TLN2: variants seen among roughly 807,000 people sequenced by gnomAD.
TLN2 encodes the protein talin-2.
TLN2 carries 118 observed loss-of-function variants against 294.7 expected under a neutral mutation model. The observed-to-expected ratio is 0.40, with a 90% CI of 0.34 to 0.47. TLN2 has a LOEUF of 0.47. Ranked by LOEUF, TLN2 falls within the 20% of genes least tolerant of loss-of-function variation. The probability of loss-of-function intolerance (pLI) is 0.84; values close to 1 mark genes in which losing one functional copy is unlikely to be tolerated. For missense variants in TLN2, 3,083 were observed against 3,282.2 expected (o/e 0.94, Z 1.48); for synonymous variants, 1,431 against 1,304.5 (o/e 1.10, Z -2.09).
At chr15:62,698,994 A>C (rs984823924) in intron 16 of TLN2, 127 bp downstream of exon 16, 1 of 891,722 alleles carries the variant, frequency 1.1e-6, no homozygotes, top group African/African-American at 1.7e-5. Context: ...TGATTTTTTC[A>C]GGATATTGAG....
chr15:62,670,605 C>CT (rs1372202307), intron 9 of TLN2, among the ~76,000 whole-genome samples: 2 of 152,198 alleles, frequency 1.3e-5, no homozygotes, highest in East Asian at 3.8e-4. Flanking sequence ...TGACTGCCTT[C>CT]TTTCCCTTAG....
In TLN2 at chr15:62,596,057, C is replaced by T. The variant is rs187713804; in HGVS notation, c.-162+6295C>T. Reference sequence around the variant, plus strand: ...TTGGGAGGCCGAGGCAGGTGGATCACGAGGTCAGGAGATCGAGACCATGGT... The same window carrying T: ...TTGGGAGGCCGAGGCAGGTGGATCATGAGGTCAGGAGATCGAGACCATGGT... On this transcript the variant is annotated intron_variant, in intron 2 of 58. Coordinates refer to ENST00000636159, the MANE Select transcript of TLN2 (RefSeq NM_015059.3). Among the ~76,000 whole-genome samples the T allele has an allele frequency of 1.2e-3, 190 of 152,040 alleles. 2 individuals are homozygous for T. Among genetic ancestry groups the T allele is most frequent in the Non-Finnish European group, 2.0e-3 (138 of 67,960 alleles).
At position 62,819,778 on chromosome 15, in the gene TLN2, GT is replaced by G. The variant is rs964633712; in HGVS notation, c.6877+159del. Among the ~76,000 whole-genome samples the G allele has an allele frequency of 4.1e-4, 63 of 152,344 alleles. 1 individual carries two copies. Among genetic ancestry groups the G allele is most frequent in the African/African-American group, 1.5e-3 (62 of 41,580 alleles). ...CTTTCTGCAAGCAAATGGGTTTAGA[GT>G]TAACTTGAAAAAGAAACATCCTCCC... On this transcript the variant is annotated intron_variant, in intron 53 of 58. Coordinates refer to ENST00000636159, the MANE Select transcript of TLN2 (RefSeq NM_015059.3).
Position 62,702,738 on chromosome 15 carries a change from C to A in TLN2, c.1906-28C>A, listed in dbSNP as rs751766281. On this transcript the variant is annotated intron_variant, in intron 18 of 58. Coordinates refer to ENST00000636159, the MANE Select transcript of TLN2 (RefSeq NM_015059.3). ...GCACTGGAGGAAATGCGTTTTCTTT[C>A]CAATTAAGGTGTGTTGTTTGTTCAC... is the stretch of plus-strand genomic sequence containing the variant. The A allele has an allele frequency of 3.1e-6, 5 of 1,609,340 alleles. No homozygotes were observed. The Admixed American group carries it at 8.3e-5, about 27-fold the overall frequency.
chr15:62,836,952 C>T (rs1417461884), intron 57 of TLN2, among the ~76,000 whole-genome samples: 1 of 149,592 alleles, frequency 6.7e-6, no homozygotes, highest in Non-Finnish European at 1.5e-5. Context: ...CTGGCCCATT[C>T]TTCATGAGTT....
chr15:62,611,939 G>A (rs2047950657), intron 2 of TLN2, among the ~76,000 whole-genome samples: 1 of 152,212 alleles, frequency 6.6e-6, no homozygotes, highest in African/African-American at 2.4e-5. Context: ...TGTACATAGT[G>A]TTAGCAAAGA....
At chr15:62,604,543 AAAAG>A (rs1207311013) in intron 2 of TLN2, among the ~76,000 whole-genome samples, 1 of 149,810 alleles carries the variant, frequency 6.7e-6, no homozygotes, top group Non-Finnish European at 1.5e-5. Context: ...AAAAAAAAAA[AAAAG>A]AAAAGGGTGG....
chr15:62,508,325 T>A (rs1317843915), intron 1 of TLN2, among the ~76,000 whole-genome samples: 1 of 152,186 alleles, frequency 6.6e-6, no homozygotes, highest in Non-Finnish European at 1.5e-5. Flanking sequence ...CAAGCGATTC[T>A]CCTGCCTCAG....
chr15:62,716,142 A>G (rs1219318638), intron 22 of TLN2, among the ~76,000 whole-genome samples, 189 bp from the exon 23 acceptor site: 3 of 152,232 alleles, frequency 2.0e-5, no homozygotes, highest in Non-Finnish European at 4.4e-5. Flanking sequence ...TTAGCTATGC[A>G]ATTTTGAAAC....
chr15:62,603,479 C>G (rs75908992), intron 2 of TLN2, among the ~76,000 whole-genome samples: 1 of 152,126 alleles, frequency 6.6e-6, no homozygotes, highest in Non-Finnish European at 1.5e-5. Context: ...GTGTATCTGC[C>G]TCTTCCTCCA....
At chr15:62,422,253 T>C (rs1176709938) in intron 1 of TLN2, among the ~76,000 whole-genome samples, 2 of 137,340 alleles carry the variant, frequency 1.5e-5, no homozygotes, top group East Asian at 4.4e-4. Context: ...AAGACTTGCC[T>C]ATCAAAGTGT....
Position 62,809,839 on chromosome 15 carries a change from G to T in TLN2, c.6664-86G>T, listed in dbSNP as rs1596077065. 12 of 1,301,536 alleles carry T rather than the reference G, an allele frequency of 9.2e-6. No individual in the cohort carries two copies. In the East Asian group the frequency reaches 2.7e-4, roughly 30 times the overall value. The allele number at this position is 1,301,536 out of a possible 1,614,324, so 80.6% of individuals were successfully genotyped here. On this transcript the variant is annotated intron_variant, in intron 51 of 58. Transcript: ENST00000636159. ...CAGGGCAGTTTCTTGAGGTCACCAG[G>T]GTTAAGGTCTCTTGCCTCTGAGTCT...
intron 9 of TLN2, among the ~76,000 whole-genome samples, chr15:62,673,482 C>T (rs28414420): frequency 2.0e-5 from 3 of 150,338 alleles, no homozygotes; most frequent in African/African-American, 7.3e-5. Context: ...TTTAAAAATA[C>T]GTAGACAATA....
chr15:62,562,939 C>CACACAG (rs1555430342), intron 1 of TLN2, among the ~76,000 whole-genome samples: 11 of 149,438 alleles, frequency 7.4e-5, no homozygotes, highest in African/African-American at 2.7e-4. Flanking sequence ...CACACACACA[C>CACACAG]ACACACACAC....
intron 3 of TLN2, among the ~76,000 whole-genome samples, chr15:62,631,074 G>C (rs1251640394): frequency 2.0e-5 from 3 of 152,088 alleles, no homozygotes; most frequent in Non-Finnish European, 4.4e-5. Flanking sequence ...GTAACAATCA[G>C]GGGAATATGG....
At chr15:62,810,274 A>G (rs2066591890) in intron 52 of TLN2, among the ~76,000 whole-genome samples, 1 of 152,168 alleles carries the variant, frequency 6.6e-6, no homozygotes. Flanking sequence ...TCATGCACCT[A>G]AAAGGCAGGA....
chr15:62,622,365 G>A (rs185015513), intron 3 of TLN2, among the ~76,000 whole-genome samples: 1 of 152,134 alleles, frequency 6.6e-6, no homozygotes, highest in Admixed American at 6.5e-5. Flanking sequence ...TCTGCTTTCA[G>A]CCATGTAATT....
intron 16 of TLN2, among the ~76,000 whole-genome samples, chr15:62,699,275 A>T (rs1219224868): frequency 6.6e-6 from 1 of 152,202 alleles, no homozygotes; most frequent in Non-Finnish European, 1.5e-5. Context: ...AGAGCTCAGT[A>T]AGCATTAGCT....
intron 51 of TLN2, among the ~76,000 whole-genome samples, chr15:62,806,125 G>T (rs1300050276): frequency 6.6e-6 from 1 of 152,046 alleles, no homozygotes; most frequent in Non-Finnish European, 1.5e-5. Context: ...GAGCCCAGGA[G>T]TTCAAGGCTG....
Sources: gnomAD v4.1 joint callset for allele counts (sites outside exome capture counted in the v4.1 genomes callset) on GRCh38, gnomAD v4.1.1 for gene constraint, MANE v1.5 for transcripts, NCBI Gene and HGNC (gene_info 2026-07-23, HGNC 2026-07-21) for gene names.